PDE4D: variants seen among roughly 807,000 people sequenced by gnomAD.
PDE4D encodes phosphodiesterase 4D, also known as 3',5'-cyclic-AMP phosphodiesterase 4D.
In PDE4D, 24 loss-of-function variants were observed where a neutral mutation model predicts 87.4. That is an observed-to-expected ratio of 0.27 (90% CI 0.20 to 0.39). The LOEUF is 0.39. Ranked by LOEUF, PDE4D falls within the 10% of genes least tolerant of loss-of-function variation. The pLI is 1.00. For missense variants in PDE4D, 714 were observed against 1,041.0 expected (o/e 0.69, Z 4.32); for synonymous variants, 384 against 383.2 (o/e 1.00, Z -0.02).
chr5:59,601,453 C>A (rs1438111997), intron 1 of PDE4D, among the ~76,000 whole-genome samples: 1 of 151,774 alleles, frequency 6.6e-6, no homozygotes, highest in Non-Finnish European at 1.5e-5. Context: ...CTGAATGGCA[C>A]CCTATAATGA....
intron 1 of PDE4D, among the ~76,000 whole-genome samples, chr5:59,758,131 G>C (rs1429865295): frequency 6.6e-6 from 1 of 152,314 alleles, no homozygotes; most frequent in Non-Finnish European, 1.5e-5. Context: ...ACGATGGAGA[G>C]TTAGGAAGAC....
At chr5:59,290,967 G>A (rs976311004) in intron 1 of PDE4D, among the ~76,000 whole-genome samples, 3 of 151,946 alleles carry the variant, frequency 2.0e-5, no homozygotes, top group African/African-American at 4.8e-5. Flanking sequence ...AGGGAACCCT[G>A]GTACACTTTT....
At chr5:59,596,255 T>C (rs1487938281) in intron 1 of PDE4D, among the ~76,000 whole-genome samples, 3 of 150,404 alleles carry the variant, frequency 2.0e-5, no homozygotes, top group African/African-American at 4.9e-5. Flanking sequence ...ATATTACATA[T>C]ATATATACAG....
chr5:60,222,476 G>A (rs1365324401), intron 1 of PDE4D, among the ~76,000 whole-genome samples: 1 of 152,104 alleles, frequency 6.6e-6, no homozygotes, highest in Non-Finnish European at 1.5e-5. Context: ...TTAACATTGT[G>A]CTAATTTGTT....
At chr5:59,905,142 GAAGATCCATGGTCT>G (rs1752680563) in intron 3 of PDE4D, among the ~76,000 whole-genome samples, 1 of 152,120 alleles carries the variant, frequency 6.6e-6, no homozygotes, top group Non-Finnish European at 1.5e-5. Context: ...AAAATAAATG[GAAGATCCATGGTCT>G]AATATTACCA....
intron 1 of PDE4D, among the ~76,000 whole-genome samples, chr5:59,309,857 C>CT (rs1772214500): frequency 6.6e-6 from 1 of 152,162 alleles, no homozygotes; most frequent in East Asian, 1.9e-4. Context: ...CCTGCCCAAA[C>CT]CCGCTGCCAG....
At chr5:59,867,155 T>G (rs1295763289) in intron 1 of PDE4D, among the ~76,000 whole-genome samples, 1 of 151,994 alleles carries the variant, frequency 6.6e-6, no homozygotes, top group African/African-American at 2.4e-5. Flanking sequence ...AATTGAGATG[T>G]GTAGAGAGAG....
At chr5:59,643,910 C>T (rs1317268730) in intron 1 of PDE4D, among the ~76,000 whole-genome samples, 1 of 152,148 alleles carries the variant, frequency 6.6e-6, no homozygotes, top group Non-Finnish European at 1.5e-5. Context: ...CCTGGGTCTG[C>T]CCCCTCCCTC....
rs72767742 is a variant in PDE4D, at chr5:59,367,288, C to T, written c.456-151320G>A. On this transcript the variant is annotated intron_variant, in intron 1 of 14. Transcript: ENST00000340635. ...CAATACTAAGTAGAATCTAATTACT[C>T]CTGAAAAGCATTTCTCATTTAAAAA... Among the ~76,000 whole-genome samples, 798 of 152,244 alleles carry T rather than the reference C, an allele frequency of 5.2e-3. 2 individuals are homozygous for T. The highest frequency in any genetic ancestry group is 9.3e-3 in the Non-Finnish European group (631 of 68,016).
At chr5:60,037,470 A>G (rs971443623) in intron 2 of PDE4D, among the ~76,000 whole-genome samples, 1 of 152,168 alleles carries the variant, frequency 6.6e-6, no homozygotes, top group African/African-American at 2.4e-5. Flanking sequence ...AATACATATA[A>G]CTTACTTTTT....
At chr5:59,115,299 C>T (rs1485915414) in intron 5 of PDE4D, among the ~76,000 whole-genome samples, 1 of 152,104 alleles carries the variant, frequency 6.6e-6, no homozygotes, top group Non-Finnish European at 1.5e-5. Context: ...CTCAGTGTTT[C>T]CAAAGATGGG....
rs1743506769 is a variant in PDE4D at position 60,424,680 on chromosome 5, T to C, written c.-90+63262A>G. Among the ~76,000 whole-genome samples, 4 of 152,160 alleles carry C rather than the reference T, an allele frequency of 2.6e-5. No individual in the cohort carries two copies. The South Asian group carries it at 6.2e-4, about 24-fold the overall frequency. On this transcript the variant is annotated intron_variant, in intron 1 of 16. Coordinates refer to the PDE4D transcript ENST00000502484. Reference sequence around the variant, plus strand: ...GCAACTTAGTGTTGGAAGTTCTGGCTGGGGCAATCAGGCAAGAGAAAGAAA... The same window carrying C: ...GCAACTTAGTGTTGGAAGTTCTGGCCGGGGCAATCAGGCAAGAGAAAGAAA...
At chr5:60,078,530 C>T (rs1271663797) in intron 2 of PDE4D, among the ~76,000 whole-genome samples, 5 of 152,032 alleles carry the variant, frequency 3.3e-5, no homozygotes, top group Non-Finnish European at 5.9e-5. Flanking sequence ...CTCTAAGTTC[C>T]CTCCACTCAA....
At position 59,249,845 on chromosome 5, in the gene PDE4D, TTG is replaced by T. The variant is rs145460810; in HGVS notation, c.456-33879_456-33878del. Among the ~76,000 whole-genome samples the T allele has an allele frequency of 9.7e-4, 147 of 151,622 alleles. No individual in the cohort carries two copies. In the Middle Eastern group the frequency reaches 0.01, roughly 11 times the overall value. On this transcript the variant is annotated intron_variant, in intron 1 of 14. Transcript: ENST00000340635. Reference sequence around the variant, plus strand: ...TTATTTTTTCTATACGTGTGTCGTATTGTGTGTGTGTGTATATGTGTGTGTGT... The same window carrying T: ...TTATTTTTTCTATACGTGTGTCGTATTGTGTGTGTGTATATGTGTGTGTGT...
chr5:59,638,131 GAAAGT>G (rs1740911316), intron 1 of PDE4D, among the ~76,000 whole-genome samples: 1 of 151,626 alleles, frequency 6.6e-6, no homozygotes, highest in African/African-American at 2.4e-5. Context: ...AAATGACAAA[GAAAGT>G]AAAGTGATTT....
intron 1 of PDE4D, among the ~76,000 whole-genome samples, chr5:59,428,778 AT>A (rs1795683263): frequency 6.6e-6 from 1 of 152,144 alleles, no homozygotes; most frequent in African/African-American, 2.4e-5. Flanking sequence ...TTGTTGTCAT[AT>A]TTATCCTTTC....
intron 6 of PDE4D, among the ~76,000 whole-genome samples, chr5:58,996,331 T>C (rs1749219768): frequency 6.6e-6 from 1 of 152,158 alleles, no homozygotes; most frequent in Admixed American, 6.6e-5. Flanking sequence ...TGGAAAAATA[T>C]ACTCATTAGG....
intron 1 of PDE4D, among the ~76,000 whole-genome samples, chr5:60,411,668 A>G (rs1055637315): frequency 6.6e-6 from 1 of 152,242 alleles, no homozygotes; most frequent in Non-Finnish European, 1.5e-5. Context: ...CTAAAAAAGT[A>G]AAATGACAAT....
intron 1 of PDE4D, among the ~76,000 whole-genome samples, chr5:59,312,167 C>T (rs186632526): frequency 1.1e-4 from 17 of 152,288 alleles, no homozygotes; most frequent in South Asian, 2.1e-4. Flanking sequence ...TTTCCATGTA[C>T]GACTTTTGAC....
Sources: allele counts gnomAD v4.1 joint callset (sites outside exome capture counted in the v4.1 genomes callset), GRCh38; gene constraint gnomAD v4.1.1; transcripts MANE v1.5; gene names NCBI Gene and HGNC (gene_info 2026-07-23, HGNC 2026-07-21).